CADM2: variants seen among roughly 807,000 people sequenced by gnomAD.
CADM2 encodes the protein immunoglobulin superfamily member 4D.
CADM2 carries 12 observed loss-of-function variants against 49.8 expected under a neutral mutation model. The observed-to-expected ratio is 0.24, with a 90% confidence interval of 0.15 to 0.39. The LOEUF (loss-of-function observed/expected upper bound fraction) is 0.39. Among genes scored for constraint, CADM2 ranks in the 10% least tolerant of loss-of-function variants. The pLI is 1.00. For synonymous variants in CADM2, 214 were observed against 175.4 expected, an observed-to-expected ratio of 1.22 and a Z score of -1.74; for missense variants, 378 against 492.3, an observed-to-expected ratio of 0.77 and a Z score of 2.20.
At chr3:85,937,196 T>C (rs1000812695) in intron 7 of CADM2, among the ~76,000 whole-genome samples, 6 of 151,860 alleles carry the variant, frequency 4.0e-5, no homozygotes, top group African/African-American at 1.4e-4. Flanking sequence ...TAAGATATGG[T>C]TGAATGAATG....
At chr3:85,232,809 A>G (rs768277327) in intron 1 of CADM2, among the ~76,000 whole-genome samples, 1 of 152,208 alleles carries the variant, frequency 6.6e-6, no homozygotes, top group African/African-American at 2.4e-5. Context: ...GCAAAATGGT[A>G]TAGTCACTTT....
chr3:85,910,740 A>G (rs952031033), intron 5 of CADM2, among the ~76,000 whole-genome samples: 1 of 152,082 alleles, frequency 6.6e-6, no homozygotes, highest in African/African-American at 2.4e-5. Context: ...ATTTTGTGGT[A>G]AAAATCTTAA....
At chr3:84,975,635 T>C (rs1439417901) in intron 1 of CADM2, among the ~76,000 whole-genome samples, 1 of 151,812 alleles carries the variant, frequency 6.6e-6, no homozygotes, top group East Asian at 1.9e-4. Context: ...AAATCCCCCT[T>C]GCTGCTACTT....
At chr3:85,051,708 A>G (rs900931781) in intron 1 of CADM2, among the ~76,000 whole-genome samples, 4 of 152,172 alleles carry the variant, frequency 2.6e-5, no homozygotes, top group South Asian at 4.1e-4. Context: ...ACAAATTTCC[A>G]TCTATCTCTC....
chr3:85,601,152 A>G (rs879405889), intron 1 of CADM2, among the ~76,000 whole-genome samples: 26,016 of 116,600 alleles, frequency 0.22, 3,657 homozygotes, highest in East Asian at 0.34. Context: ...ATATATATAT[A>G]TATATATATA....
chr3:85,211,122 A>G (rs1037342295), intron 1 of CADM2, among the ~76,000 whole-genome samples: 6 of 152,058 alleles, frequency 3.9e-5, no homozygotes, highest in Admixed American at 3.3e-4. Flanking sequence ...TTTCTGTGTT[A>G]TCAGTTGTTA....
At chr3:85,496,474 G>T (rs1274764487) in intron 1 of CADM2, among the ~76,000 whole-genome samples, 4 of 152,190 alleles carry the variant, frequency 2.6e-5, no homozygotes, top group South Asian at 4.1e-4. Context: ...CCATGTCTTT[G>T]CTATTGTGAA....
At chr3:85,541,007 C>G (rs2061525778) in intron 1 of CADM2, among the ~76,000 whole-genome samples, 1 of 151,906 alleles carries the variant, frequency 6.6e-6, no homozygotes, top group African/African-American at 2.4e-5. Flanking sequence ...TCCTCTGTCT[C>G]CAAGTACAGT....
chr3:85,618,017 A>G (rs750259723), intron 1 of CADM2, among the ~76,000 whole-genome samples: 29 of 152,182 alleles, frequency 1.9e-4, no homozygotes, highest in Non-Finnish European at 2.9e-4. Context: ...TGATGAATCT[A>G]TTGAACAATT....
intron 1 of CADM2, among the ~76,000 whole-genome samples, chr3:85,398,680 A>T (rs4308294): frequency 0.5 from 76,311 of 151,952 alleles, 22,304 homozygotes; most frequent in East Asian, 0.83. Context: ...GTTTCCTGAC[A>T]TTTTAATGAT....
chr3:85,539,039 A>T (rs1022817068), intron 1 of CADM2, among the ~76,000 whole-genome samples: 3 of 152,042 alleles, frequency 2.0e-5, no homozygotes, highest in African/African-American at 7.2e-5. Flanking sequence ...TTATACAGGG[A>T]AGCCTGAATT....
At chr3:85,017,256 C>T (rs1295426290) in intron 1 of CADM2, among the ~76,000 whole-genome samples, 1 of 152,120 alleles carries the variant, frequency 6.6e-6, no homozygotes, top group African/African-American at 2.4e-5. Context: ...GCCACTCTTC[C>T]AAGAAGTGTA....
chr3:85,470,119 TA>T (rs1446896300), intron 1 of CADM2, among the ~76,000 whole-genome samples: 6 of 152,218 alleles, frequency 3.9e-5, no homozygotes, highest in Non-Finnish European at 7.3e-5. Context: ...TAAACAGACT[TA>T]ATAGTTTGGA....
At chr3:85,597,653 T>C (rs2063282297) in intron 1 of CADM2, among the ~76,000 whole-genome samples, 1 of 152,102 alleles carries the variant, frequency 6.6e-6, no homozygotes, top group African/African-American at 2.4e-5. Flanking sequence ...GTAATCAAGC[T>C]GTTAGAATGT....
At chr3:85,670,662 A>G (rs1449478997) in intron 1 of CADM2, among the ~76,000 whole-genome samples, 4 of 152,222 alleles carry the variant, frequency 2.6e-5, no homozygotes, top group Admixed American at 1.3e-4. Context: ...GTTAACATAA[A>G]AAGATTTTAA....
intron 1 of CADM2, among the ~76,000 whole-genome samples, chr3:85,572,375 A>G (rs932924629): frequency 6.6e-6 from 1 of 152,198 alleles, no homozygotes; most frequent in African/African-American, 2.4e-5. Context: ...AAGTTTGTAT[A>G]CTTAAGAAAC....
rs559810412 is a variant in CADM2 at position 85,033,497 on chromosome 3, T to C, written c.61+73829T>C. Among the ~76,000 whole-genome samples, 13 of 152,298 alleles carry C rather than the reference T, an allele frequency of 8.5e-5. No individual in the cohort carries two copies. The East Asian group carries it at 2.5e-3, about 29-fold the overall frequency. On this transcript the variant is annotated intron_variant, in intron 1 of 9. Transcript: ENST00000383699. ...TTCTGTAGCCACTCACAAACATGTT[T>C]GGCATAAAATCTGTTATTCCTTATT...
intron 8 of CADM2, among the ~76,000 whole-genome samples, chr3:86,046,997 A>G (rs1309707178): frequency 6.6e-6 from 1 of 152,064 alleles, no homozygotes; most frequent in East Asian, 1.9e-4. Context: ...TGGGTATTCT[A>G]TAATACAATC....
chr3:85,584,096 G>T (rs1415566558), intron 1 of CADM2, among the ~76,000 whole-genome samples: 1 of 151,966 alleles, frequency 6.6e-6, no homozygotes, highest in Non-Finnish European at 1.5e-5. Context: ...GTAGAATTGA[G>T]AAACTATTTT....
Sources: allele counts gnomAD v4.1 joint callset (sites outside exome capture counted in the v4.1 genomes callset), GRCh38; gene constraint gnomAD v4.1.1; transcripts MANE v1.5; gene names NCBI Gene and HGNC (gene_info 2026-07-23, HGNC 2026-07-21).